Variants in ZNF407 observed in about 807,000 individuals in gnomAD.
The protein encoded by ZNF407 is zinc finger protein 407.
Under a neutral mutation model 131.2 loss-of-function variants are expected in ZNF407, and 17 were observed. That is an observed-to-expected ratio of 0.13 (90% CI 0.09 to 0.19). The LOEUF is 0.19. ZNF407 is among the 10% of genes least tolerant of loss of function. The pLI is 1.00. For synonymous variants in ZNF407, 1,156 were observed against 1,062.0 expected (o/e 1.09, Z -1.72); for missense variants, 2,681 against 2,830.6 (o/e 0.95, Z 1.20).
chr18:74,798,243 C>G (rs896752460), intron 4 of ZNF407, among the ~76,000 whole-genome samples: 4 of 142,338 alleles, frequency 2.8e-5, no homozygotes, highest in Non-Finnish European at 6.2e-5. Context: ...CACACAGAGT[C>G]TCTGAAGCTT....
At chr18:74,973,015 T>A (rs1972489529) in intron 8 of ZNF407, among the ~76,000 whole-genome samples, 2 of 152,192 alleles carry the variant, frequency 1.3e-5, no homozygotes, top group Admixed American at 1.3e-4. Flanking sequence ...GTTTTTCATT[T>A]CTCAGTTTTC....
intron 8 of ZNF407, among the ~76,000 whole-genome samples, chr18:74,978,184 A>G (rs993322862): frequency 6.6e-6 from 1 of 152,174 alleles, no homozygotes; most frequent in Middle Eastern, 3.2e-3. Context: ...AAACAGGGGT[A>G]TGGAATAATG....
intron 8 of ZNF407, among the ~76,000 whole-genome samples, chr18:74,940,918 G>A (rs1972090677): frequency 6.6e-6 from 1 of 152,182 alleles, no homozygotes; most frequent in South Asian, 2.1e-4. Context: ...TTCTTTGGTT[G>A]TTTGTTCTAT....
intron 8 of ZNF407, among the ~76,000 whole-genome samples, chr18:74,963,529 T>C (rs2145294832): frequency 6.6e-6 from 1 of 152,342 alleles, no homozygotes; most frequent in Admixed American, 6.5e-5. Context: ...TTTTACATGT[T>C]ACAAAACAAT....
intron 3 of ZNF407, among the ~76,000 whole-genome samples, chr18:74,688,338 A>C (rs1057025326): frequency 1.8e-4 from 28 of 152,246 alleles, no homozygotes; most frequent in Admixed American, 5.9e-4. Flanking sequence ...GCAAAGTATA[A>C]GATATCTCTC....
At chr18:75,015,829 T>C (rs1973037598) in intron 8 of ZNF407, among the ~76,000 whole-genome samples, 1 of 151,968 alleles carries the variant, frequency 6.6e-6, no homozygotes, top group Admixed American at 6.6e-5. Flanking sequence ...GTTTCTGTAA[T>C]GTGACAGGCT....
At chr18:74,750,807 G>A (rs934362896) in intron 3 of ZNF407, among the ~76,000 whole-genome samples, 1 of 152,110 alleles carries the variant, frequency 6.6e-6, no homozygotes, top group Non-Finnish European at 1.5e-5. Context: ...TGCTAGCAGT[G>A]TATGAATTTT....
chr18:74,711,962 G>A (rs1207649883), intron 3 of ZNF407, among the ~76,000 whole-genome samples: 2 of 152,084 alleles, frequency 1.3e-5, no homozygotes, highest in African/African-American at 4.8e-5. Flanking sequence ...CACCCGCCTC[G>A]GCCTCCCAAA....
chr18:74,783,112 A>G (rs1425688724), intron 4 of ZNF407, among the ~76,000 whole-genome samples: 1 of 152,194 alleles, frequency 6.6e-6, no homozygotes, highest in Non-Finnish European at 1.5e-5. Flanking sequence ...CTATGTTTTC[A>G]TTGCTTTCAC....
chr18:74,843,311 T>C (rs369058392), intron 4 of ZNF407, among the ~76,000 whole-genome samples: 5 of 152,206 alleles, frequency 3.3e-5, no homozygotes, highest in African/African-American at 4.8e-5. Flanking sequence ...AAACTTTCTA[T>C]ATTTCTAGAT....
intron 8 of ZNF407, among the ~76,000 whole-genome samples, chr18:75,049,477 A>C (rs1973474792): frequency 6.6e-6 from 1 of 152,182 alleles, no homozygotes; most frequent in African/African-American, 2.4e-5. Context: ...TGGGAGTTCT[A>C]GAATCATAAT....
intron 1 of ZNF407, among the ~76,000 whole-genome samples, chr18:74,602,860 T>C (rs1226565222): frequency 6.6e-6 from 1 of 152,130 alleles, no homozygotes; most frequent in Non-Finnish European, 1.5e-5. Flanking sequence ...ATAAACACAT[T>C]GCCCTGGTCC....
intron 3 of ZNF407, among the ~76,000 whole-genome samples, chr18:74,728,967 T>A (rs1178172379): frequency 6.6e-6 from 1 of 152,212 alleles, no homozygotes; most frequent in East Asian, 1.9e-4. Context: ...CACTGTTATG[T>A]CAGCAGCTGC....
intron 7 of ZNF407, among the ~76,000 whole-genome samples, chr18:74,919,951 C>G (rs1971824365): frequency 6.6e-6 from 1 of 152,202 alleles, no homozygotes. Flanking sequence ...ACTCTTATCA[C>G]TCTTAAAAGC....
Position 74,625,135 on chromosome 18 carries a change from G to A in ZNF407, c.-53-5832G>A, listed in dbSNP as rs368417722. On this transcript the variant is annotated intron_variant, in intron 1 of 8. Transcript: ENST00000299687. Reference sequence around the variant, plus strand: ...GTTTGTTGTTATTTCTTGATATAGTGAGATATTGGGTTATTTCATTAATTT... The same window carrying A: ...GTTTGTTGTTATTTCTTGATATAGTAAGATATTGGGTTATTTCATTAATTT... Among the ~76,000 whole-genome samples the A allele has an allele frequency of 3.9e-5, 6 of 152,292 alleles. No homozygotes were observed. The East Asian group carries it at 1.2e-3, about 29-fold the overall frequency.
intron 4 of ZNF407, among the ~76,000 whole-genome samples, chr18:74,864,076 G>A (rs535699685): frequency 3.2e-4 from 49 of 152,230 alleles, no homozygotes; most frequent in African/African-American, 1.1e-3. Flanking sequence ...GACTCTATGG[G>A]CAGGAAATAT....
intron 8 of ZNF407, among the ~76,000 whole-genome samples, chr18:74,939,622 G>A (rs1320530715): frequency 2.0e-5 from 3 of 152,118 alleles, no homozygotes; most frequent in East Asian, 3.8e-4. Flanking sequence ...TTTATCAATC[G>A]ACAGAAATCT....
chr18:74,696,618 ATG>A (rs369910424), intron 3 of ZNF407, among the ~76,000 whole-genome samples: 3 of 151,516 alleles, frequency 2.0e-5, no homozygotes, highest in Non-Finnish European at 4.4e-5. Flanking sequence ...TAGGGTTATA[ATG>A]TGTGTGTGTG....
chr18:74,671,793 C>G (rs1018377755), intron 3 of ZNF407, among the ~76,000 whole-genome samples: 1 of 152,134 alleles, frequency 6.6e-6, no homozygotes, highest in African/African-American at 2.4e-5. Flanking sequence ...GATGTGGACA[C>G]CTTTGGGGGT....
Sources: gnomAD v4.1 joint callset for allele counts (sites outside exome capture counted in the v4.1 genomes callset) on GRCh38, gnomAD v4.1.1 for gene constraint, MANE v1.5 for transcripts, NCBI Gene and HGNC (gene_info 2026-07-23, HGNC 2026-07-21) for gene names.